The following FBRSL1 variants were observed in gnomAD, a reference collection of about 807,000 sequenced individuals.
FBRSL1 encodes the protein fibrosin-1-like protein.
FBRSL1 carries 51 observed loss-of-function variants against 89.6 expected under a neutral mutation model. The ratio of observed to expected loss-of-function variants is 0.57; its 90% CI spans 0.45 to 0.72. The LOEUF (loss-of-function observed/expected upper bound fraction) is 0.72. FBRSL1 is among the 30% of genes least tolerant of loss of function. The pLI, the probability that FBRSL1 is intolerant of heterozygous loss-of-function variation, is 0.00. For synonymous variants in FBRSL1, 779 were observed against 681.1 expected, an observed-to-expected ratio of 1.14 and a Z score of -2.24; for missense variants, 1,618 against 1,451.8, an observed-to-expected ratio of 1.11 and a Z score of -1.86.
intron 4 of FBRSL1, among the ~76,000 whole-genome samples, chr12:132,544,437 G>A (rs1240728959): frequency 3.3e-5 from 5 of 152,176 alleles, no homozygotes; most frequent in South Asian, 4.1e-4. Context: ...ATAGACAAGC[G>A]TGAGCACTGC....
chr12:132,495,901 C>T (rs1374290266), intron 1 of FBRSL1, among the ~76,000 whole-genome samples: 2 of 152,256 alleles, frequency 1.3e-5, no homozygotes, highest in Non-Finnish European at 2.9e-5. Flanking sequence ...GGTTCCACGT[C>T]CTCTGCCTGT....
intron 4 of FBRSL1, among the ~76,000 whole-genome samples, chr12:132,543,222 C>T (rs2037412705): frequency 6.6e-6 from 1 of 152,230 alleles, no homozygotes; most frequent in Admixed American, 6.5e-5. Context: ...CACGTTGCCT[C>T]CTCCGACTCA....
At chr12:132,578,343 T>TCACTCACACACACACACACACACA (rs1555290113) in intron 15 of FBRSL1, among the ~76,000 whole-genome samples, 2 of 141,008 alleles carry the variant, frequency 1.4e-5, no homozygotes, top group East Asian at 2.2e-4. Context: ...AGACCCTGTC[T>TCACTCACACACACACACACACACA]CACACACACA....
intron 15 of FBRSL1, among the ~76,000 whole-genome samples, chr12:132,578,956 G>A (rs151134215): frequency 1.5e-4 from 23 of 152,362 alleles, no homozygotes; most frequent in Admixed American, 3.9e-4. Flanking sequence ...CTGGCTGTCC[G>A]CATCCTGGCT....
At chr12:132,535,990 C>T (rs976993493) in intron 4 of FBRSL1, among the ~76,000 whole-genome samples, 7 of 150,804 alleles carry the variant, frequency 4.6e-5, no homozygotes, top group Admixed American at 6.6e-5. Flanking sequence ...TGTGAGTGCA[C>T]GTGTACATGA....
chr12:132,538,857 T>C (rs1222325424), intron 4 of FBRSL1, among the ~76,000 whole-genome samples: 1 of 152,152 alleles, frequency 6.6e-6, no homozygotes, highest in Non-Finnish European at 1.5e-5. Context: ...CCGGTTATCT[T>C]GTGTAACCAG....
chr12:132,578,941 A>C (rs781777432), intron 15 of FBRSL1, among the ~76,000 whole-genome samples: 5 of 152,236 alleles, frequency 3.3e-5, no homozygotes, highest in Non-Finnish European at 5.9e-5. Flanking sequence ...TCCAGGCTGC[A>C]GTTTCTGGCT....
chr12:132,581,793 CGCCTTTGGGGGCCTGGGCAGCCAT>C lies in FBRSL1; in HGVS notation c.1968_1991del (p.Phe657_Ala664del), dbSNP rs1365895759. 2.1e-5 allele frequency: 32 copies of C among 1,549,290 alleles called. No homozygotes were observed. In the Admixed American group the frequency reaches 3.7e-4, roughly 18 times the overall value. ...GGGGCCTGGGCAGCCTGAGCAGCCACGCCTTTGGGGGCCTGGGCAGCCATGCACTGGGTGAGTGACCCAGCCTGT... is the reference window on the plus strand; with the variant it reads ...GGGGCCTGGGCAGCCTGAGCAGCCACGCACTGGGTGAGTGACCCAGCCTGT... On this transcript the variant is annotated inframe_deletion, in exon 17 of 19. Coordinates refer to ENST00000680143, the MANE Select transcript of FBRSL1 (RefSeq NM_001367871.1).
intron 2 of FBRSL1, chr12:132,510,659 C>T: frequency 3.3e-6 from 4 of 1,229,672 alleles, no homozygotes; most frequent in Non-Finnish European, 4.1e-6. Context: ...CACGATCAGG[C>T]TGAGGCTCAC....
In FBRSL1 at chr12:132,542,829, G is replaced by A. The variant is rs548191281; in HGVS notation, c.616-5174G>A. On this transcript the variant is annotated intron_variant, in intron 4 of 18. Transcript: ENST00000680143. ...CTTTGTTTGAGCAGTGGGATCAGGC[G>A]GCCCCTGAGCACACCGAAGCCATAA... 7.9e-5 allele frequency among the ~76,000 whole-genome samples: 12 copies of A among 152,350 alleles called. No individual in the cohort carries two copies. In the South Asian group the frequency reaches 8.3e-4, roughly 11 times the overall value.
chr12:132,495,734 G>C (rs2031909388), intron 1 of FBRSL1, among the ~76,000 whole-genome samples: 1 of 152,224 alleles, frequency 6.6e-6, no homozygotes, highest in Admixed American at 6.5e-5. Context: ...CTCCCTCCGG[G>C]GAGGTGGACT....
At chr12:132,509,021 C>A in intron 2 of FBRSL1, 1 of 1,162,634 alleles carries the variant, frequency 8.6e-7, no homozygotes, top group Non-Finnish European at 1.1e-6. Flanking sequence ...GGGTGGGGCT[C>A]TGCGCGGTGT....
chr12:132,510,626 A>G, intron 2 of FBRSL1: 1 of 1,229,884 alleles, frequency 8.1e-7, no homozygotes, highest in Non-Finnish European at 1.0e-6. Flanking sequence ...AGGCTCGGCC[A>G]GAGGCGGGAG....
In FBRSL1 at chr12:132,546,978, G is replaced by A. The variant is rs111644545; in HGVS notation, c.616-1025G>A. Among the ~76,000 whole-genome samples, 6 of 152,212 alleles carry A rather than the reference G, an allele frequency of 3.9e-5. No homozygotes were observed. Among genetic ancestry groups the A allele is most frequent in the African/African-American group, 9.7e-5 (4 of 41,440 alleles). On this transcript the variant is annotated intron_variant, in intron 4 of 18. Coordinates refer to ENST00000680143, the MANE Select transcript of FBRSL1 (RefSeq NM_001367871.1). This position sits in a 1 kb window ranked among gnomAD's most constrained non-coding sequence, Gnocchi z 4.0. ...ATAGGAGGGCGCCGCCCACACATCC[G>A]GCTGGCACTCACCACCCTCCGTGCA...
chr12:132,536,325 G>C (rs565224238), intron 4 of FBRSL1, among the ~76,000 whole-genome samples: 1 of 151,940 alleles, frequency 6.6e-6, no homozygotes, highest in Non-Finnish European at 1.5e-5. Flanking sequence ...ATGTGTACAT[G>C]ATGGTGTGTG....
rs1231256525 is a variant in FBRSL1, at chr12:132,570,329, C to A, written c.1008-6C>A. The A allele has an allele frequency of 6.5e-7, 1 of 1,529,054 alleles. No individual in the cohort carries two copies. Among genetic ancestry groups the A allele is most frequent in the Non-Finnish European group, 8.7e-7 (1 of 1,143,202 alleles). 94.7% of individuals were successfully genotyped at this position (1,529,054 alleles called of 1,614,324 possible). A position where few individuals can be genotyped will look rare whatever the true frequency, so the allele number is the denominator to read the frequency against. On this transcript the variant is annotated splice_polypyrimidine_tract_variant and splice_region_variant and intron_variant, in intron 7 of 18. Transcript: ENST00000680143. ...GCTGGCAGGCACTGAGCCCCGTGTC[C>A]CGCAGCAGGAGCAGCAGCGCCCCCC...
At chr12:132,552,819 C>T (rs545861660) in intron 5 of FBRSL1, 2,136 of 166,482 alleles carry the variant, frequency 0.013, 49 homozygotes, top group African/African-American at 0.048. Context: ...ACACTCACCC[C>T]GCAGGACAGA....
rs560246513 is a variant in FBRSL1 at position 132,499,056 on chromosome 12, A to G, written c.291+8195A>G. Reference sequence around the variant, plus strand: ...TGCCACCTCTGCTGTCCCCTGGGACAGTGCTCTGCAAGGCCTCCAGGAGCT... The same window carrying G: ...TGCCACCTCTGCTGTCCCCTGGGACGGTGCTCTGCAAGGCCTCCAGGAGCT... On this transcript the variant is annotated intron_variant, in intron 1 of 18. Coordinates refer to ENST00000680143, the MANE Select transcript of FBRSL1 (RefSeq NM_001367871.1). The surrounding 1 kb of genome is among the most constrained non-coding windows in gnomAD (Gnocchi z 4.3). 7.2e-5 allele frequency among the ~76,000 whole-genome samples: 11 copies of G among 152,342 alleles called. No homozygotes were observed. Among genetic ancestry groups the G allele is most frequent in the African/African-American group, 2.4e-4 (10 of 41,580 alleles).
At chr12:132,547,889 G>T in intron 4 of FBRSL1, 114 bp from the exon 5 acceptor site, 1 of 1,151,130 alleles carries the variant, frequency 8.7e-7, no homozygotes, top group Non-Finnish European at 1.3e-6. Flanking sequence ...TCCCTCTCCT[G>T]GCAGCAGCCA....
Sources: allele counts gnomAD v4.1 joint callset (sites outside exome capture counted in the v4.1 genomes callset), GRCh38; gene constraint gnomAD v4.1.1; non-coding constraint Gnocchi (gnomAD v3.1); transcripts MANE v1.5; gene names NCBI Gene and HGNC (gene_info 2026-07-23, HGNC 2026-07-21).